The following PRIMA1 variants were observed in gnomAD, a reference collection of about 807,000 sequenced individuals.
PRIMA1 encodes proline rich membrane anchor 1, also known as proline-rich membrane anchor 1.
PRIMA1 carries 7 observed loss-of-function variants against 17.5 expected under a neutral mutation model. The ratio of observed to expected loss-of-function variants is 0.40; its 90% CI spans 0.23 to 0.75. The LOEUF is 0.75. PRIMA1 is among the 30% of genes least tolerant of loss of function. PRIMA1 has a pLI of 0.37. For missense variants in PRIMA1, 200 were observed against 201.8 expected (o/e 0.99, Z 0.05); for synonymous variants, 97 against 77.9 (o/e 1.25, Z -1.29).
chr14:93,731,850 T>A (rs952162674), intron 4 of PRIMA1, among the ~76,000 whole-genome samples: 7 of 152,174 alleles, frequency 4.6e-5, no homozygotes, highest in Non-Finnish European at 1.0e-4. Flanking sequence ...CAATGGGTTT[T>A]CTAAGGCACC....
intron 4 of PRIMA1, among the ~76,000 whole-genome samples, chr14:93,722,604 A>T (rs1044863647): frequency 7.2e-6 from 1 of 139,616 alleles, no homozygotes; most frequent in Admixed American, 7.0e-5. Context: ...GATGGTGGTT[A>T]TATGGTGGTG....
intron 3 of PRIMA1, among the ~76,000 whole-genome samples, chr14:93,761,787 G>A (rs1884734074): frequency 6.6e-6 from 1 of 152,124 alleles, no homozygotes; most frequent in Non-Finnish European, 1.5e-5. Context: ...ATGACTGAAC[G>A]GACCTCATGA....
intron 3 of PRIMA1, among the ~76,000 whole-genome samples, chr14:93,756,224 A>G (rs990490722): frequency 6.6e-6 from 1 of 152,104 alleles, no homozygotes. Flanking sequence ...AATATCTTTG[A>G]TTTTAAATAC....
intron 3 of PRIMA1, among the ~76,000 whole-genome samples, chr14:93,742,808 T>C (rs1388087909): frequency 2.6e-5 from 4 of 152,158 alleles, no homozygotes; most frequent in African/African-American, 9.7e-5. Flanking sequence ...CTAGGCACAA[T>C]GGCGCATAGC....
At chr14:93,727,755 A>G (rs1028648976) in intron 4 of PRIMA1, among the ~76,000 whole-genome samples, 1 of 152,178 alleles carries the variant, frequency 6.6e-6, no homozygotes, top group Admixed American at 6.5e-5. Flanking sequence ...GCCCCAGGTC[A>G]CGGAACCCCC....
intron 3 of PRIMA1, among the ~76,000 whole-genome samples, chr14:93,739,980 C>T (rs1236735544): frequency 2.0e-5 from 3 of 151,910 alleles, no homozygotes; most frequent in Non-Finnish European, 2.9e-5. Flanking sequence ...GCAGAAGAAT[C>T]GCTTGAACCG....
In PRIMA1 at chr14:93,744,888, TC is replaced by T; in HGVS notation, c.230-7519del. On this transcript the variant is annotated intron_variant, in intron 3 of 4. Coordinates refer to ENST00000393140, the MANE Select transcript of PRIMA1 (RefSeq NM_178013.4). ...ATTTAGCCTCCCTGGGGCACAGAGC[TC>T]CTGGGGGTGCCTCAGTGGCCTGCCT... 2.0e-5 allele frequency among the ~76,000 whole-genome samples: 3 copies of T among 152,222 alleles called. No homozygotes were observed. In the Middle Eastern group the frequency reaches 0.01, roughly 518 times the overall value.
chr14:93,721,569 G>C (rs2076038838), intron 4 of PRIMA1, 23 bp from the exon 5 acceptor site: 1 of 1,518,592 alleles, frequency 6.6e-7, no homozygotes, highest in East Asian at 2.3e-5. Flanking sequence ...GGAGGGGACA[G>C]GAAAGGCAAA....
intron 3 of PRIMA1, among the ~76,000 whole-genome samples, chr14:93,770,812 C>G (rs1885037432): frequency 6.6e-6 from 1 of 152,174 alleles, no homozygotes. Context: ...GCACCTAGTA[C>G]CTAGTGCCTG....
intron 3 of PRIMA1, among the ~76,000 whole-genome samples, chr14:93,741,115 A>C (rs1434866433): frequency 6.6e-6 from 1 of 152,230 alleles, no homozygotes; most frequent in Non-Finnish European, 1.5e-5. Flanking sequence ...GAAATGAGGG[A>C]GGCATTTTGT....
At chr14:93,727,124 C>T (rs1296866428) in intron 4 of PRIMA1, among the ~76,000 whole-genome samples, 1 of 152,188 alleles carries the variant, frequency 6.6e-6, no homozygotes, top group Non-Finnish European at 1.5e-5. Context: ...ATGCGGCAGA[C>T]AAGCGTCCTC....
At chr14:93,767,968 A>G (rs1474190876) in intron 3 of PRIMA1, among the ~76,000 whole-genome samples, 1 of 152,168 alleles carries the variant, frequency 6.6e-6, no homozygotes, top group East Asian at 1.9e-4. Context: ...GGTGAGGAAT[A>G]TGATCTGGAA....
intron 3 of PRIMA1, among the ~76,000 whole-genome samples, chr14:93,743,520 G>A (rs1286860860): frequency 6.6e-6 from 1 of 152,242 alleles, no homozygotes; most frequent in East Asian, 1.9e-4. Context: ...TGACAATGCA[G>A]TCTAGTGCCA....
At chr14:93,780,345 G>A (rs149573593) in intron 2 of PRIMA1, among the ~76,000 whole-genome samples, 33 of 152,334 alleles carry the variant, frequency 2.2e-4, no homozygotes, top group African/African-American at 7.7e-4. Context: ...CTGTGAGCTC[G>A]CTGAGGGCAG....
intron 3 of PRIMA1, among the ~76,000 whole-genome samples, chr14:93,773,224 C>T (rs561147112): frequency 5.0e-4 from 76 of 152,306 alleles, no homozygotes; most frequent in Non-Finnish European, 9.7e-4. Flanking sequence ...TTCTAATCTT[C>T]ATGACAATTC....
At chr14:93,762,424 C>T (rs966640450) in intron 3 of PRIMA1, among the ~76,000 whole-genome samples, 2 of 152,046 alleles carry the variant, frequency 1.3e-5, no homozygotes, top group Admixed American at 1.3e-4. Flanking sequence ...CCCCACCCCC[C>T]AATCCCAGGC....
intron 4 of PRIMA1, among the ~76,000 whole-genome samples, chr14:93,735,089 G>T (rs1405126787): frequency 1.3e-5 from 2 of 152,174 alleles, no homozygotes. Flanking sequence ...GGAGGCAGAA[G>T]TGGCTCAGGT....
At chr14:93,771,187 G>A (rs368755751) in intron 3 of PRIMA1, among the ~76,000 whole-genome samples, 14 of 152,002 alleles carry the variant, frequency 9.2e-5, no homozygotes, top group East Asian at 3.9e-4. Context: ...GATGCAGGGC[G>A]GTATGGTTTC....
At chr14:93,779,461 T>C (rs1885320089) in intron 2 of PRIMA1, 150 bp from the exon 3 acceptor site, 4 of 672,562 alleles carry the variant, frequency 5.9e-6, no homozygotes, top group Non-Finnish European at 9.6e-6. Flanking sequence ...AGAAGTCGGA[T>C]TGGTTCAAAG....
Sources: allele counts gnomAD v4.1 joint callset (sites outside exome capture counted in the v4.1 genomes callset), GRCh38; gene constraint gnomAD v4.1.1; transcripts MANE v1.5; gene names NCBI Gene and HGNC (gene_info 2026-07-23, HGNC 2026-07-21).